Variants in MAD1L1 observed in about 807,000 individuals in gnomAD.
MAD1L1 encodes the protein mitotic arrest deficient 1 like 1.
Under a neutral mutation model 96.9 loss-of-function variants are expected in MAD1L1, and 95 were observed. The observed-to-expected ratio is 0.98, with a 90% CI of 0.83 to 1.16. MAD1L1 has a LOEUF of 1.16. Ranked by LOEUF, MAD1L1 falls within the 50% of genes most tolerant of loss-of-function variation. MAD1L1 has a pLI of 0.00. For missense variants in MAD1L1, 1,007 were observed against 954.4 expected (o/e 1.06, Z -0.73); for synonymous variants, 473 against 396.6 (o/e 1.19, Z -2.29).
chr7:2,030,062 A>G (rs1388398904), intron 12 of MAD1L1, among the ~76,000 whole-genome samples: 2 of 152,192 alleles, frequency 1.3e-5, no homozygotes, highest in Non-Finnish European at 2.9e-5. Context: ...CAGGGAGCAG[A>G]TGGAAATCGA....
At chr7:2,141,292 C>G (rs777826688) in intron 11 of MAD1L1, among the ~76,000 whole-genome samples, 1 of 152,278 alleles carries the variant, frequency 6.6e-6, no homozygotes, top group Non-Finnish European at 1.5e-5. Flanking sequence ...CTGCGGGGCA[C>G]AGCCATGACA....
chr7:2,227,895 C>T (rs558546109), intron 3 of MAD1L1, among the ~76,000 whole-genome samples: 10 of 152,252 alleles, frequency 6.6e-5, no homozygotes, highest in East Asian at 3.9e-4. Flanking sequence ...CTGACTACAA[C>T]GGAAAGAAAG....
At chr7:2,203,452 G>A (rs926804161) in intron 10 of MAD1L1, among the ~76,000 whole-genome samples, 4 of 152,212 alleles carry the variant, frequency 2.6e-5, no homozygotes, top group Non-Finnish European at 4.4e-5. Flanking sequence ...TCGGGAGGGC[G>A]GTGTGGCACC....
chr7:2,162,964 A>G (rs1406904614), intron 10 of MAD1L1, among the ~76,000 whole-genome samples: 2 of 151,428 alleles, frequency 1.3e-5, no homozygotes, highest in Middle Eastern at 3.4e-3. Flanking sequence ...TCATCTTCCC[A>G]GACCTTACAA....
At chr7:1,895,818 AC>A (rs1304618330) in intron 18 of MAD1L1, among the ~76,000 whole-genome samples, 3 of 152,124 alleles carry the variant, frequency 2.0e-5, no homozygotes, top group African/African-American at 7.2e-5. Context: ...TCACATTCAC[AC>A]GGGCCTTGGG....
At chr7:2,051,227 C>T (rs1027159995) in intron 12 of MAD1L1, among the ~76,000 whole-genome samples, 1 of 152,206 alleles carries the variant, frequency 6.6e-6, no homozygotes, top group Admixed American at 6.5e-5. Context: ...GCCACCTGTG[C>T]CAGCTGGATG....
intron 15 of MAD1L1, among the ~76,000 whole-genome samples, chr7:1,966,832 G>A (rs1010330860): frequency 3.9e-5 from 6 of 152,246 alleles, no homozygotes; most frequent in African/African-American, 1.2e-4. Context: ...GCCGCGGGCC[G>A]CGCTGCGTGC....
At chr7:2,019,493 C>T (rs141837322) in intron 12 of MAD1L1, among the ~76,000 whole-genome samples, 415 of 152,398 alleles carry the variant, frequency 2.7e-3, no homozygotes, top group Admixed American at 4.6e-3. Context: ...TGAACCCACC[C>T]TCCTTGTGCA....
chr7:2,006,225 C>T (rs935799971), intron 13 of MAD1L1, among the ~76,000 whole-genome samples: 3 of 152,018 alleles, frequency 2.0e-5, no homozygotes, highest in African/African-American at 7.3e-5. Context: ...AGGACACACA[C>T]TGCTGTCTGC....
intron 11 of MAD1L1, among the ~76,000 whole-genome samples, chr7:2,118,729 C>T (rs1330541252): frequency 6.6e-6 from 1 of 152,188 alleles, no homozygotes; most frequent in Non-Finnish European, 1.5e-5. Context: ...AAGGAGCAGG[C>T]TCGGCTCACA....
chr7:2,180,641 A>G (rs1057026775), intron 10 of MAD1L1, among the ~76,000 whole-genome samples: 3 of 152,244 alleles, frequency 2.0e-5, no homozygotes, highest in Non-Finnish European at 4.4e-5. Context: ...AGAAAATTAG[A>G]CAAAATATCT....
chr7:1,924,805 T>C (rs1197956976), intron 17 of MAD1L1, among the ~76,000 whole-genome samples: 1 of 152,154 alleles, frequency 6.6e-6, no homozygotes, highest in Non-Finnish European at 1.5e-5. Context: ...TACATAGGAC[T>C]ACTACAACAT....
At chr7:1,899,456 C>G (rs546972035) in intron 17 of MAD1L1, among the ~76,000 whole-genome samples, 33 of 152,308 alleles carry the variant, frequency 2.2e-4, no homozygotes, top group Non-Finnish European at 4.6e-4. Flanking sequence ...GCTAGCCTCC[C>G]TCCACTATGA....
intron 12 of MAD1L1, among the ~76,000 whole-genome samples, chr7:2,030,623 C>T (rs1218190047): frequency 1.3e-5 from 2 of 152,194 alleles, no homozygotes; most frequent in Admixed American, 6.5e-5. Context: ...CTGCGCTTGA[C>T]GAAAATGCCT....
At chr7:2,214,428 C>A (rs1356544233) in intron 9 of MAD1L1, among the ~76,000 whole-genome samples, 9 of 152,182 alleles carry the variant, frequency 5.9e-5, no homozygotes, top group Non-Finnish European at 1.3e-4. Flanking sequence ...GCCAAGGCCC[C>A]AAAACGACCT....
intron 12 of MAD1L1, among the ~76,000 whole-genome samples, chr7:2,063,679 A>G (rs1266127516): frequency 6.6e-6 from 1 of 152,176 alleles, no homozygotes; most frequent in Non-Finnish European, 1.5e-5. Flanking sequence ...ACGTGGGCCC[A>G]TTTCTAAATC....
intron 10 of MAD1L1, 152 bp from the exon 11 acceptor site, chr7:2,149,390 T>G: frequency 2.9e-6 from 2 of 680,288 alleles, no homozygotes; most frequent in Non-Finnish European, 5.4e-6. Flanking sequence ...CAGGGCAGCA[T>G]GCACGCACTA....
At chr7:2,213,317 A>C (rs750976368) in intron 9 of MAD1L1, 44 bp from the exon 10 acceptor site, 10 of 1,555,404 alleles carry the variant, frequency 6.4e-6, no homozygotes, top group Non-Finnish European at 7.1e-6. Context: ...CACCTGCCAC[A>C]GGATCATCAC....
chr7:1,973,050 G>A (rs1193466183), intron 15 of MAD1L1, among the ~76,000 whole-genome samples: 1 of 152,108 alleles, frequency 6.6e-6, no homozygotes, highest in Non-Finnish European at 1.5e-5. Context: ...AATTTACTGG[G>A]GTCTCTTTGA....
Sources: allele counts gnomAD v4.1 joint callset (sites outside exome capture counted in the v4.1 genomes callset), GRCh38; gene constraint gnomAD v4.1.1; transcripts MANE v1.5; gene names NCBI Gene and HGNC (gene_info 2026-07-23, HGNC 2026-07-21).